MZT2B: variants seen among roughly 807,000 people sequenced by gnomAD.
The protein encoded by MZT2B is mitotic-spindle organizing protein 2B.
A neutral mutation model predicts 12.1 loss-of-function variants in MZT2B; 11 were observed. The ratio of observed to expected loss-of-function variants is 0.91; its 90% CI spans 0.57 to 1.50. The LOEUF (loss-of-function observed/expected upper bound fraction) is 1.50. MZT2B is among the 40% of genes most tolerant of loss of function. The probability of loss-of-function intolerance (pLI) is 0.00; values close to 1 mark genes in which losing one functional copy is unlikely to be tolerated. For missense variants in MZT2B, 209 were observed against 227.7 expected, an observed-to-expected ratio of 0.92 and a Z score of 0.53; for synonymous variants, 85 against 109.5, an observed-to-expected ratio of 0.78 and a Z score of 1.40.
downstream of MZT2B, chr2:130,191,906 T>G: frequency 6.2e-7 from 1 of 1,614,136 alleles, no homozygotes; most frequent in Non-Finnish European, 8.5e-7. Flanking sequence ...TCTCTAGAGC[T>G]GCCAGGTCCT....
In MZT2B at chr2:130,183,649, C is replaced by G. The variant is rs114985427; in HGVS notation, c.319+874C>G. ...AGGCATCCTGAGAAGGCGTGGAGAG[C>G]AGGCTGCCTTCATGGGGGGAGTGCC... On this transcript the variant is annotated intron_variant, in intron 2 of 2. Coordinates refer to ENST00000281871, the MANE Select transcript of MZT2B (RefSeq NM_025029.5). 573 of 1,418,492 alleles carry G rather than the reference C, an allele frequency of 4.0e-4. 3 individuals are homozygous for G. In the African/African-American group the frequency reaches 7.5e-3, roughly 18 times the overall value. 87.9% of individuals were successfully genotyped at this position (1,418,492 alleles called of 1,614,324 possible). A position where few individuals can be genotyped will look rare whatever the true frequency, so the allele number is the denominator to read the frequency against.
At chr2:130,202,434 C>T in the MZT2B span, 2 of 1,289,662 alleles carry the variant, frequency 1.6e-6, no homozygotes, top group Non-Finnish European at 2.0e-6. Flanking sequence ...GGAGGACATG[C>T]ACAAGGTAGG....
intron 2 of MZT2B, chr2:130,184,207 C>T: frequency 4.2e-6 from 6 of 1,425,380 alleles, no homozygotes; most frequent in Non-Finnish European, 5.5e-6. Context: ...CCCCCACACC[C>T]CAGAGGCGAA....
chr2:130,188,805 G>A (rs901491645), intron 2 of MZT2B, among the ~76,000 whole-genome samples: 21 of 152,136 alleles, frequency 1.4e-4, no homozygotes, highest in Middle Eastern at 3.4e-3. Flanking sequence ...CTGGAAGAGC[G>A]GGGGTCCACG....
At chr2:130,184,271 G>T in intron 2 of MZT2B, 1 of 985,356 alleles carries the variant, frequency 1.0e-6, no homozygotes, top group Admixed American at 6.1e-5. Context: ...GCCAGAGTGC[G>T]GTGTGCTGTG....
chr2:130,189,132 G>A (rs1441098717), intron 2 of MZT2B, among the ~76,000 whole-genome samples: 1 of 152,120 alleles, frequency 6.6e-6, no homozygotes, highest in East Asian at 1.9e-4. Context: ...AGGGTGGTCA[G>A]TCCAAAGCAT....
the MZT2B span, chr2:130,202,449 T>G: frequency 5.5e-6 from 7 of 1,283,276 alleles, no homozygotes; most frequent in South Asian, 2.5e-5. Context: ...GGTAGGCAGT[T>G]TGGTTCTGGG....
At chr2:130,185,866 C>T (rs962387404) in intron 2 of MZT2B, among the ~76,000 whole-genome samples, 3 of 152,208 alleles carry the variant, frequency 2.0e-5, no homozygotes, top group East Asian at 1.9e-4. Context: ...TCCTTGAGGG[C>T]TCTGTCCTGG....
At chr2:130,185,589 G>A (rs1181916368) in intron 2 of MZT2B, among the ~76,000 whole-genome samples, 3,726 of 114,716 alleles carry the variant, frequency 0.032, 513 homozygotes, top group African/African-American at 0.098. Context: ...CAGCAGGAGG[G>A]GGGTCGGCAG....
In MZT2B at chr2:130,190,716, G is replaced by T; in HGVS notation, c.*90G>T. 2 of 1,512,340 alleles carry T rather than the reference G, an allele frequency of 1.3e-6. No individual in the cohort carries two copies. The highest frequency in any genetic ancestry group is 2.7e-5 in the South Asian group (2 of 75,464). 93.7% of individuals were successfully genotyped at this position (1,512,340 alleles called of 1,614,324 possible). On this transcript the variant is annotated 3_prime_UTR_variant, in exon 3 of 3. Transcript: ENST00000281871. ...ATAATAAACCTTTCTGAGATGCAGA[G>T]GGTCCAGGTCAGATGTTGTCTACCG...
At chr2:130,183,712 C>T in intron 2 of MZT2B, 1 of 1,550,360 alleles carries the variant, frequency 6.5e-7, no homozygotes, top group Non-Finnish European at 8.7e-7. Context: ...CCAAGAGGGC[C>T]CGGGCACCTG....
the MZT2B span, among the ~76,000 whole-genome samples, chr2:130,201,777 C>A: frequency 6.6e-6 from 1 of 152,182 alleles, no homozygotes; most frequent in Admixed American, 6.5e-5. Flanking sequence ...ACAGAGTGTT[C>A]TTAGACCAAC....
intron 2 of MZT2B, among the ~76,000 whole-genome samples, chr2:130,185,964 G>A (rs1690044699): frequency 6.6e-6 from 1 of 152,150 alleles, no homozygotes; most frequent in South Asian, 2.1e-4. Flanking sequence ...GGAACCTGAG[G>A]AGGAGGTGGA....
chr2:130,184,430 G>A lies in MZT2B; in HGVS notation c.319+1655G>A, dbSNP rs1385891571. 11 of 985,338 alleles carry A rather than the reference G, an allele frequency of 1.1e-5. No homozygotes were observed. The South Asian group carries it at 1.4e-4, about 13-fold the overall frequency. 61.0% of individuals were successfully genotyped at this position (985,338 alleles called of 1,614,324 possible). ...CACACAGATGCCATATGCTGGCCCCGTGGCCACACTCCAGCACTCAGCCCC... is the reference window on the plus strand; with the variant it reads ...CACACAGATGCCATATGCTGGCCCCATGGCCACACTCCAGCACTCAGCCCC... On this transcript the variant is annotated intron_variant, in intron 2 of 2. Transcript: ENST00000281871.
At chr2:130,194,153 A>G (rs767189132), downstream of MZT2B, 1 of 1,613,956 alleles carries the variant, frequency 6.2e-7, no homozygotes, top group Non-Finnish European at 8.5e-7. Context: ...CTGCCCAATC[A>G]GGCGATTGAG....
intron 2 of MZT2B, chr2:130,183,055 C>T (rs538505896): frequency 1.8e-6 from 1 of 562,684 alleles, no homozygotes; most frequent in East Asian, 3.2e-5. Context: ...CTCAGGCCTT[C>T]ATCCTACAAC....
intron 2 of MZT2B, among the ~76,000 whole-genome samples, chr2:130,187,624 A>G (rs1020705902): frequency 6.6e-6 from 1 of 152,034 alleles, no homozygotes; most frequent in Non-Finnish European, 1.5e-5. Context: ...GTTCAATCCC[A>G]CTGTCTAGCC....
chr2:130,196,223 G>A, the MZT2B span: 45 of 1,613,874 alleles, frequency 2.8e-5, 2 homozygotes, highest in African/African-American at 4.4e-4. Flanking sequence ...ACTGAAGAAC[G>A]TGTTGAAGGA....
the MZT2B span, among the ~76,000 whole-genome samples, chr2:130,198,728 A>G: frequency 8.1e-6 from 1 of 122,736 alleles, no homozygotes; most frequent in African/African-American, 3.0e-5. Context: ...CCAGTGTGCC[A>G]CTGCCCCTCC....
Sources: allele counts gnomAD v4.1 joint callset (sites outside exome capture counted in the v4.1 genomes callset), GRCh38; gene constraint gnomAD v4.1.1; transcripts MANE v1.5; gene names NCBI Gene and HGNC (gene_info 2026-07-23, HGNC 2026-07-21).